The following BRINP2 variants were observed in gnomAD, a reference collection of about 807,000 sequenced individuals.
The protein encoded by BRINP2 is BMP/retinoic acid-inducible neural-specific protein 2.
In BRINP2, 21 loss-of-function variants were observed where a neutral mutation model predicts 69.2. The observed-to-expected ratio is 0.30, with a 90% CI of 0.22 to 0.44. The LOEUF is 0.44. Ranked by LOEUF, BRINP2 falls within the 20% of genes least tolerant of loss-of-function variation. The pLI is 1.00. For synonymous variants in BRINP2, 380 were observed against 394.1 expected, an observed-to-expected ratio of 0.96 and a Z score of 0.42; for missense variants, 877 against 986.0, an observed-to-expected ratio of 0.89 and a Z score of 1.48.
chr1:177,210,957 AT>A (rs1649204899), intron 1 of BRINP2, among the ~76,000 whole-genome samples: 1 of 148,582 alleles, frequency 6.7e-6, no homozygotes, highest in African/African-American at 2.5e-5. Context: ...TTCTTTTTAT[AT>A]TTTTAATATA....
intron 1 of BRINP2, among the ~76,000 whole-genome samples, chr1:177,201,332 G>A (rs1411905543): frequency 6.6e-6 from 1 of 152,138 alleles, no homozygotes; most frequent in African/African-American, 2.4e-5. Context: ...GCTTGGACAG[G>A]ACGCTTCAGG....
intron 2 of BRINP2, among the ~76,000 whole-genome samples, chr1:177,249,767 T>C (rs1038544062): frequency 1.3e-5 from 2 of 152,200 alleles, no homozygotes; most frequent in Admixed American, 6.5e-5. Context: ...TTTGAATAGC[T>C]CAGGCTGCCT....
intron 4 of BRINP2, among the ~76,000 whole-genome samples, chr1:177,266,182 A>G (rs989012682): frequency 2.6e-5 from 4 of 151,930 alleles, no homozygotes; most frequent in Non-Finnish European, 5.9e-5. Flanking sequence ...AAAAAGATTA[A>G]TTCCTGTTCT....
intron 4 of BRINP2, among the ~76,000 whole-genome samples, 161 bp from the exon 5 acceptor site, chr1:177,273,327 G>A (rs1651391620): frequency 6.6e-6 from 1 of 152,194 alleles, no homozygotes; most frequent in African/African-American, 2.4e-5. Flanking sequence ...GGCCAAGGAA[G>A]AAAGTGACTT....
chr1:177,207,988 A>G (rs185065729), intron 1 of BRINP2, among the ~76,000 whole-genome samples: 102 of 152,302 alleles, frequency 6.7e-4, no homozygotes, highest in Non-Finnish European at 1.5e-4. Context: ...GGAGAAGTGG[A>G]TTGAGGGGTG....
chr1:177,279,413 A>T (rs1651619981), intron 7 of BRINP2, among the ~76,000 whole-genome samples: 1 of 152,252 alleles, frequency 6.6e-6, no homozygotes, highest in Non-Finnish European at 1.5e-5. Flanking sequence ...TGGTGGTAGA[A>T]CATAAATCAA....
intron 6 of BRINP2, 100 bp from the exon 7 acceptor site, chr1:177,278,463 A>G: frequency 1.8e-6 from 2 of 1,089,524 alleles, no homozygotes; most frequent in Non-Finnish European, 2.8e-6. Context: ...TTTCTCATGC[A>G]GTAACTTTGA....
At chr1:177,270,752 A>C (rs931387340) in intron 4 of BRINP2, among the ~76,000 whole-genome samples, 1 of 152,212 alleles carries the variant, frequency 6.6e-6, no homozygotes, top group African/African-American at 2.4e-5. Context: ...AGGCAGGGAC[A>C]GGCAAGCCTC....
chr1:177,221,064 A>G (rs2102318344), intron 1 of BRINP2, among the ~76,000 whole-genome samples: 1 of 152,336 alleles, frequency 6.6e-6, no homozygotes, highest in African/African-American at 2.4e-5. Flanking sequence ...AGAGGAATCT[A>G]GGATAACCTC....
intron 1 of BRINP2, among the ~76,000 whole-genome samples, chr1:177,188,613 A>G (rs899369125): frequency 2.6e-5 from 4 of 152,134 alleles, no homozygotes; most frequent in Non-Finnish European, 4.4e-5. Context: ...GGAGTGGAAA[A>G]TTAATACTTT....
At chr1:177,262,304 G>T (rs564196510) in intron 4 of BRINP2, among the ~76,000 whole-genome samples, 1 of 152,102 alleles carries the variant, frequency 6.6e-6, no homozygotes, top group African/African-American at 2.4e-5. Flanking sequence ...ACAAGGTCAA[G>T]AGATCAAGAC....
rs1210728051 is a variant in BRINP2, at chr1:177,171,311, T to TC, written c.-493dup. Among the ~76,000 whole-genome samples the TC allele has an allele frequency of 2.6e-5, 4 of 152,074 alleles. No homozygotes were observed. The highest frequency in any genetic ancestry group is 5.9e-5 in the Non-Finnish European group (4 of 68,006). Reference sequence around the variant, plus strand: ...TCTCCTCGGCGGAGGGACAGGGGACTCCCCCAGTTGGGTCTTGCACTTCCC... The same window carrying TC: ...TCTCCTCGGCGGAGGGACAGGGGACTCCCCCCAGTTGGGTCTTGCACTTCCC... On this transcript the variant is annotated 5_prime_UTR_variant, in exon 1 of 8. Coordinates refer to ENST00000361539, the MANE Select transcript of BRINP2 (RefSeq NM_021165.4).
At chr1:177,269,955 C>T (rs542948646) in intron 4 of BRINP2, among the ~76,000 whole-genome samples, 34 of 152,214 alleles carry the variant, frequency 2.2e-4, no homozygotes, top group Admixed American at 3.9e-4. Flanking sequence ...ACTGCACTCT[C>T]CATTACCTGT....
rs74127713 is a variant in BRINP2, at chr1:177,218,079, G to T, written c.-76-11722G>T. On this transcript the variant is annotated intron_variant, in intron 1 of 7. Transcript: ENST00000361539. The stretch of plus-strand genomic sequence containing the variant: ...GGGATGGGCTTTGAGGCCAAGAGAA[G>T]AACTGATTAAACTCCCAGGTGTGGC... Among the ~76,000 whole-genome samples the T allele has an allele frequency of 3.2e-4, 48 of 152,318 alleles. 2 individuals carry two copies. The highest frequency in any genetic ancestry group is 1.1e-3 in the African/African-American group (45 of 41,562).
chr1:177,224,589 CTT>C (rs113688655), intron 1 of BRINP2, among the ~76,000 whole-genome samples: 2 of 143,546 alleles, frequency 1.4e-5, no homozygotes, highest in African/African-American at 2.6e-5. Flanking sequence ...GCAAAGGCTC[CTT>C]TTTTTTTTTT....
intron 1 of BRINP2, among the ~76,000 whole-genome samples, chr1:177,211,089 A>G (rs866993109): frequency 9.9e-5 from 15 of 151,700 alleles, no homozygotes; most frequent in Middle Eastern, 3.4e-3. Context: ...GTCTCCAGTT[A>G]TGTCCATAAA....
chr1:177,256,669 A>G, intron 3 of BRINP2: 1 of 1,040,454 alleles, frequency 9.6e-7, no homozygotes, highest in Non-Finnish European at 1.2e-6. Flanking sequence ...CTGCCCTGGG[A>G]AGAAGGAAGC....
chr1:177,222,696 T>TA lies in BRINP2; in HGVS notation c.-76-7092dup, dbSNP rs999499043. Among the ~76,000 whole-genome samples, 378 of 138,622 alleles carry TA rather than the reference T, an allele frequency of 2.7e-3. 2 individuals carry two copies. The highest frequency in any genetic ancestry group is 0.011 in the South Asian group (48 of 4,368). The allele number at this position is 138,622 out of a possible 152,430, so 90.9% of individuals were successfully genotyped here. A position where few individuals can be genotyped will look rare whatever the true frequency, so the allele number is the denominator to read the frequency against. On this transcript the variant is annotated intron_variant, in intron 1 of 7. Coordinates refer to ENST00000361539, the MANE Select transcript of BRINP2 (RefSeq NM_021165.4). Reference sequence around the variant, plus strand: ...TGGAGTAGCACTATTATTGTTATCTTAAAAAAAAAAAAAGAAAAAGAAAAA... The same window carrying TA: ...TGGAGTAGCACTATTATTGTTATCTTAAAAAAAAAAAAAAGAAAAAGAAAAA...
rs561856252 is a variant in BRINP2, at chr1:177,186,911, C to A, written c.-77+15179C>A. Among the ~76,000 whole-genome samples, 7 of 152,136 alleles carry A rather than the reference C, an allele frequency of 4.6e-5. 1 individual carries two copies. The highest frequency in any genetic ancestry group is 1.0e-4 in the Non-Finnish European group (7 of 68,036). ...CCACAAATGTGAACTAAACAATATGCGCCTTTTAATGGCAATTTAGGCAAG... is the reference window on the plus strand; with the variant it reads ...CCACAAATGTGAACTAAACAATATGAGCCTTTTAATGGCAATTTAGGCAAG... On this transcript the variant is annotated intron_variant, in intron 1 of 7. Transcript: ENST00000361539.
Sources: gnomAD v4.1 joint callset for allele counts (sites outside exome capture counted in the v4.1 genomes callset) on GRCh38, gnomAD v4.1.1 for gene constraint, MANE v1.5 for transcripts, NCBI Gene and HGNC (gene_info 2026-07-23, HGNC 2026-07-21) for gene names.